Variants in GDAP2 observed in about 807,000 individuals in gnomAD.
GDAP2 encodes the protein ganglioside-induced differentiation-associated protein 2.
In GDAP2, 51 loss-of-function variants were observed where a neutral mutation model predicts 67.0. The observed-to-expected ratio is 0.76, with a 90% CI of 0.61 to 0.96. GDAP2 has a LOEUF of 0.96. Among genes scored for constraint, GDAP2 ranks in the 40% least tolerant of loss-of-function variants. The pLI is 0.00. For missense variants in GDAP2, 547 were observed against 588.3 expected (o/e 0.93, Z 0.73); for synonymous variants, 203 against 207.3 (o/e 0.98, Z 0.18).
chr1:117,886,940 T>C (rs932773033), intron 9 of GDAP2, among the ~76,000 whole-genome samples: 14 of 152,156 alleles, frequency 9.2e-5, no homozygotes, highest in Non-Finnish European at 1.8e-4. Flanking sequence ...TATTATTTTC[T>C]AGAGACAGGA....
At position 117,913,050 on chromosome 1, in the gene GDAP2, T is replaced by C. The variant is rs573161361; in HGVS notation, c.317-367A>G. On this transcript the variant is annotated intron_variant, in intron 3 of 13. Transcript: ENST00000369443. ...AGTTGATCTGTACTGAAAAGCAGTG[T>C]TGGATACAAGACAGACTGCTTTGAT... Among the ~76,000 whole-genome samples the C allele has an allele frequency of 2.0e-4, 30 of 152,300 alleles. 1 individual carries two copies. Among genetic ancestry groups the C allele is most frequent in the Admixed American group, 4.6e-4 (7 of 15,294 alleles).
intron 6 of GDAP2, among the ~76,000 whole-genome samples, chr1:117,906,105 C>A (rs189814305): frequency 5.8e-4 from 88 of 152,226 alleles, no homozygotes; most frequent in African/African-American, 2.1e-3. Context: ...AACACATAAA[C>A]CTCACAGTGC....
At chr1:117,899,968 T>C (rs180786475) in intron 6 of GDAP2, among the ~76,000 whole-genome samples, 1 of 152,334 alleles carries the variant, frequency 6.6e-6, no homozygotes, top group Non-Finnish European at 1.5e-5. Flanking sequence ...AATCATTTTC[T>C]TTCATTTTCA....
Position 117,918,746 on chromosome 1 carries a change from C to G in GDAP2, c.177-10G>C. 1 of 1,589,692 alleles carries G rather than the reference C, an allele frequency of 6.3e-7. No individual in the cohort carries two copies. Among genetic ancestry groups the G allele is most frequent in the Non-Finnish European group, 8.6e-7 (1 of 1,161,024 alleles). On this transcript the variant is annotated splice_polypyrimidine_tract_variant and intron_variant, in intron 2 of 13. Transcript: ENST00000369443. ...TGCCACATCTCCTTTCCTGAAGAAA[C>G]AATAAAGAATGAACAAGTGTGGGGA...
rs1303062345 is a variant in GDAP2, at chr1:117,869,042, T to C, written c.*1527A>G. ...GAGAATATGTTTCTTTGATCTCCAA[T>C]GAAGAATTAGTTTGGGCAGAAAAGA... On this transcript the variant is annotated 3_prime_UTR_variant, in exon 14 of 14. Coordinates refer to ENST00000369443, the MANE Select transcript of GDAP2 (RefSeq NM_017686.4). 3 of 152,124 alleles carry C rather than the reference T, an allele frequency of 2.0e-5. No homozygotes were observed. Among genetic ancestry groups the C allele is most frequent in the Non-Finnish European group, 4.4e-5 (3 of 68,018 alleles). The allele number at this position is 152,124 out of a possible 1,614,324, so 9.4% of individuals were successfully genotyped here.
At chr1:117,891,390 C>T (rs1304331446) in intron 8 of GDAP2, among the ~76,000 whole-genome samples, 2 of 151,856 alleles carry the variant, frequency 1.3e-5, no homozygotes, top group Non-Finnish European at 2.9e-5. Context: ...AATTATACTT[C>T]TATAAGAAGC....
chr1:117,894,036 G>A (rs537691026), intron 8 of GDAP2, among the ~76,000 whole-genome samples: 61 of 152,042 alleles, frequency 4.0e-4, no homozygotes, highest in African/African-American at 1.4e-3. Flanking sequence ...TCATATGTGC[G>A]TCTGCATTTA....
intron 8 of GDAP2, among the ~76,000 whole-genome samples, chr1:117,892,937 C>T (rs1006549880): frequency 6.6e-6 from 1 of 152,006 alleles, no homozygotes; most frequent in African/African-American, 2.4e-5. Flanking sequence ...TTGTTGTATC[C>T]TCTTATTGAC....
At chr1:117,924,893 C>T (rs1650390009) in intron 1 of GDAP2, among the ~76,000 whole-genome samples, 1 of 152,100 alleles carries the variant, frequency 6.6e-6, no homozygotes, top group Non-Finnish European at 1.5e-5. Context: ...AGACTATATA[C>T]TCTTCTATCA....
At chr1:117,903,411 C>T (rs1177695287) in intron 6 of GDAP2, among the ~76,000 whole-genome samples, 2 of 151,876 alleles carry the variant, frequency 1.3e-5, no homozygotes, top group Admixed American at 6.6e-5. Flanking sequence ...TATGGGTTTC[C>T]CATAGATGCC....
At position 117,887,784 on chromosome 1, in the gene GDAP2, T is replaced by C. The variant is rs41312704; in HGVS notation, c.954-10A>G. The C allele has an allele frequency of 3.1e-4, 438 of 1,412,088 alleles. No individual in the cohort carries two copies. The highest frequency in any genetic ancestry group is 4.2e-4 in the Non-Finnish European group (421 of 998,024). 87.5% of individuals were successfully genotyped at this position (1,412,088 alleles called of 1,614,324 possible). ...TAACCAGCGATTATAACTAGGGAAA[T>C]AAATGATATAATCATTATAATAAAC... On this transcript the variant is annotated splice_polypyrimidine_tract_variant and intron_variant, in intron 8 of 13. Coordinates refer to ENST00000369443, the MANE Select transcript of GDAP2 (RefSeq NM_017686.4).
At chr1:117,885,890 G>A (rs547964949) in intron 10 of GDAP2, among the ~76,000 whole-genome samples, 3 of 152,194 alleles carry the variant, frequency 2.0e-5, no homozygotes, top group Middle Eastern at 6.8e-3. Context: ...CCTTGTATGA[G>A]TATTCTGATT....
intron 8 of GDAP2, among the ~76,000 whole-genome samples, chr1:117,892,422 G>A (rs1171605839): frequency 6.6e-6 from 1 of 151,846 alleles, no homozygotes; most frequent in Non-Finnish European, 1.5e-5. Flanking sequence ...GCAATCTTTT[G>A]TTCCAATCCA....
rs184713399 is a variant in GDAP2, at chr1:117,899,120, C to T, written c.733G>A (p.Glu245Lys). 1.2e-6 allele frequency: 2 copies of T among 1,612,642 alleles called. No individual in the cohort carries two copies. The highest frequency in any genetic ancestry group is 8.5e-7 in the Non-Finnish European group (1 of 1,178,656). ...PYLPADIGNA[E>K]GEPVVPERQI... ...CGTTCAGGTACCACAGGCTCCCCTT[C>T]TGCATTTCCAATATCTGCAGGTAGG... Residue 245 changes from glutamate (E) to lysine (K), a missense_variant, in exon 7 of 14, where the codon GAA becomes AAA. Glu to Lys is a moderately conservative substitution (Grantham distance 56). Transcript: ENST00000369443.
intron 5 of GDAP2, among the ~76,000 whole-genome samples, chr1:117,910,373 G>A (rs932229383): frequency 4.6e-5 from 7 of 152,142 alleles, no homozygotes; most frequent in Non-Finnish European, 1.0e-4. Flanking sequence ...CATATGTCAA[G>A]CATTCAAGAT....
intron 12 of GDAP2, among the ~76,000 whole-genome samples, chr1:117,881,127 G>C (rs1229506204): frequency 6.6e-6 from 1 of 152,150 alleles, no homozygotes; most frequent in Non-Finnish European, 1.5e-5. Flanking sequence ...TGTGATGAAA[G>C]GGTAACAGGT....
chr1:117,911,053 T>C (rs866111998), intron 5 of GDAP2, among the ~76,000 whole-genome samples: 1 of 152,212 alleles, frequency 6.6e-6, no homozygotes. Context: ...ATGAGATTCC[T>C]TCAGATATTT....
intron 3 of GDAP2, among the ~76,000 whole-genome samples, chr1:117,916,025 G>T (rs1042292966): frequency 6.6e-6 from 1 of 151,826 alleles, no homozygotes; most frequent in African/African-American, 2.4e-5. Flanking sequence ...TTTCTATTAG[G>T]GGTACCCCAA....
At chr1:117,887,662 T>C (rs755841164) in intron 9 of GDAP2, 36 bp downstream of exon 9, 2 of 978,756 alleles carry the variant, frequency 2.0e-6, no homozygotes, top group South Asian at 2.6e-5. Flanking sequence ...GGCTCTTAAT[T>C]AGTGAAAGAA....
Sources: gnomAD v4.1 joint callset for allele counts (sites outside exome capture counted in the v4.1 genomes callset) on GRCh38, gnomAD v4.1.1 for gene constraint, MANE v1.5 for transcripts, NCBI Gene and HGNC (gene_info 2026-07-23, HGNC 2026-07-21) for gene names.